Variants in GALNT13 observed in about 807,000 individuals in gnomAD.
GALNT13 encodes the protein UDP-GalNAc:polypeptide N-acetylgalactosaminyltransferase 13.
In GALNT13, 28 loss-of-function variants were observed where a neutral mutation model predicts 64.2. The ratio of observed to expected loss-of-function variants is 0.44; its 90% CI spans 0.32 to 0.60. The LOEUF (loss-of-function observed/expected upper bound fraction) is 0.60. GALNT13 is among the 20% of genes least tolerant of loss of function. GALNT13 has a pLI of 0.05. For synonymous variants in GALNT13, 214 were observed against 224.6 expected (o/e 0.95, Z 0.42); for missense variants, 577 against 669.8 (o/e 0.86, Z 1.53).
At chr2:153,399,694 T>C in the GALNT13 span, among the ~76,000 whole-genome samples, 1 of 152,060 alleles carries the variant, frequency 6.6e-6, no homozygotes. Context: ...CAATTGTGAA[T>C]GGGAGTTCAC....
At chr2:154,227,750 G>A (rs1442280646) in intron 4 of GALNT13, among the ~76,000 whole-genome samples, 4 of 151,810 alleles carry the variant, frequency 2.6e-5, no homozygotes, top group African/African-American at 9.7e-5. Context: ...GCTGGTTGTG[G>A]CCTTCATTCT....
chr2:154,317,620 T>C (rs1263589956), intron 9 of GALNT13, among the ~76,000 whole-genome samples: 1 of 152,158 alleles, frequency 6.6e-6, no homozygotes, highest in African/African-American at 2.4e-5. Context: ...GAGAATCTTC[T>C]AATAAAAAGC....
At chr2:153,139,201 C>T in the GALNT13 span, among the ~76,000 whole-genome samples, 93 of 152,080 alleles carry the variant, frequency 6.1e-4, no homozygotes, top group African/African-American at 2.1e-3. Context: ...ATTCTAGAGC[C>T]GTTTCACACA....
chr2:154,040,759 AATT>A lies in GALNT13; in HGVS notation c.142+96124_142+96126del, dbSNP rs1433252658. ...GTTGAAAATATTTTACTTTTAAAAT[AATT>A]ATTGAACTGGGAAAATGATTTCATC... On this transcript the variant is annotated intron_variant, in intron 3 of 12. Transcript: ENST00000392825. Among the ~76,000 whole-genome samples, 2 of 140,620 alleles carry A rather than the reference AATT, an allele frequency of 1.4e-5. 1 individual carries two copies. Among genetic ancestry groups the A allele is most frequent in the East Asian group, 4.0e-4 (2 of 5,022 alleles). 92.3% of individuals were successfully genotyped at this position (140,620 alleles called of 152,430 possible).
the GALNT13 span, among the ~76,000 whole-genome samples, chr2:153,517,904 C>T: frequency 6.6e-6 from 1 of 152,162 alleles, no homozygotes; most frequent in Non-Finnish European, 1.5e-5. Flanking sequence ...ACCAAATACA[C>T]AGTGACTGAA....
the GALNT13 span, among the ~76,000 whole-genome samples, chr2:153,083,990 G>C: frequency 6.6e-6 from 1 of 152,146 alleles, no homozygotes; most frequent in Non-Finnish European, 1.5e-5. Flanking sequence ...TTGTTGTATA[G>C]GGTGTTGTTT....
chr2:153,305,359 G>T, the GALNT13 span, among the ~76,000 whole-genome samples: 1 of 152,160 alleles, frequency 6.6e-6, no homozygotes, highest in African/African-American at 2.4e-5. Context: ...AACCCCTTCA[G>T]ATTTACCCAC....
chr2:153,728,843 G>C, the GALNT13 span, among the ~76,000 whole-genome samples: 1 of 152,126 alleles, frequency 6.6e-6, no homozygotes, highest in Non-Finnish European at 1.5e-5. Context: ...ACTACCATCA[G>C]AGAATACTAT....
At chr2:154,241,380 A>G (rs937924535) in intron 4 of GALNT13, among the ~76,000 whole-genome samples, 1 of 152,012 alleles carries the variant, frequency 6.6e-6, no homozygotes, top group Non-Finnish European at 1.5e-5. Flanking sequence ...TTACCTTCCC[A>G]GCACTTCCAT....
chr2:153,374,747 C>T, the GALNT13 span, among the ~76,000 whole-genome samples: 1 of 152,188 alleles, frequency 6.6e-6, no homozygotes, highest in South Asian at 2.1e-4. Context: ...TTACGCTAAT[C>T]TCCTCCCTCC....
chr2:153,560,510 A>G, the GALNT13 span, among the ~76,000 whole-genome samples: 1 of 152,054 alleles, frequency 6.6e-6, no homozygotes, highest in Non-Finnish European at 1.5e-5. Context: ...TTATCCTAGT[A>G]CATGATAGAA....
chr2:153,679,709 A>G, the GALNT13 span, among the ~76,000 whole-genome samples: 7 of 151,978 alleles, frequency 4.6e-5, no homozygotes, highest in East Asian at 1.9e-4. Context: ...ACTGCCAACT[A>G]TATCACGCTT....
At chr2:153,683,173 G>A in the GALNT13 span, among the ~76,000 whole-genome samples, 2 of 151,668 alleles carry the variant, frequency 1.3e-5, no homozygotes, top group Non-Finnish European at 3.0e-5. Context: ...AAAAACTTGG[G>A]TTCAAATCTT....
At chr2:154,305,089 CA>C (rs1288885826) in intron 9 of GALNT13, among the ~76,000 whole-genome samples, 1 of 152,096 alleles carries the variant, frequency 6.6e-6, no homozygotes, top group Non-Finnish European at 1.5e-5. Context: ...TCAGATCATC[CA>C]AAAACAGATA....
At chr2:153,322,373 G>A in the GALNT13 span, among the ~76,000 whole-genome samples, 1 of 151,982 alleles carries the variant, frequency 6.6e-6, no homozygotes, top group Non-Finnish European at 1.5e-5. Context: ...GTAGTATTCC[G>A]TGGCATATAT....
the GALNT13 span, among the ~76,000 whole-genome samples, chr2:153,149,849 C>A: frequency 1.2e-4 from 18 of 151,724 alleles, no homozygotes; most frequent in Non-Finnish European, 2.9e-5. Flanking sequence ...TAAATTGTAC[C>A]TGAAGAAAAC....
chr2:153,387,711 G>A, the GALNT13 span, among the ~76,000 whole-genome samples: 1 of 152,006 alleles, frequency 6.6e-6, no homozygotes, highest in Non-Finnish European at 1.5e-5. Context: ...AGCCCAAACT[G>A]TAATTTGTAT....
At chr2:153,197,956 G>T in the GALNT13 span, among the ~76,000 whole-genome samples, 1 of 152,176 alleles carries the variant, frequency 6.6e-6, no homozygotes, top group Non-Finnish European at 1.5e-5. Flanking sequence ...GGCTCCCTTT[G>T]TCCTGGGGGC....
At chr2:153,751,366 T>A in the GALNT13 span, among the ~76,000 whole-genome samples, 4 of 151,332 alleles carry the variant, frequency 2.6e-5, no homozygotes, top group East Asian at 3.9e-4. Flanking sequence ...TTTGTTTTGT[T>A]TTTTTTTTCT....
Sources: allele counts gnomAD v4.1 joint callset (sites outside exome capture counted in the v4.1 genomes callset), GRCh38; gene constraint gnomAD v4.1.1; transcripts MANE v1.5; gene names NCBI Gene and HGNC (gene_info 2026-07-23, HGNC 2026-07-21).